The following TNFRSF10B variants were observed in gnomAD, a reference collection of about 807,000 sequenced individuals.
The protein encoded by TNFRSF10B is tumor necrosis factor receptor superfamily member 10B.
In TNFRSF10B, 35 loss-of-function variants were observed where a neutral mutation model predicts 41.4. The observed-to-expected ratio is 0.85, with a 90% confidence interval of 0.65 to 1.12. The LOEUF is 1.12. Ranked by LOEUF, TNFRSF10B falls within the 50% of genes most tolerant of loss-of-function variation. TNFRSF10B has a pLI of 0.00. For missense variants in TNFRSF10B, 584 were observed against 552.7 expected, an observed-to-expected ratio of 1.06 and a Z score of -0.57; for synonymous variants, 230 against 215.5, an observed-to-expected ratio of 1.07 and a Z score of -0.59.
intron 1 of TNFRSF10B, among the ~76,000 whole-genome samples, chr8:23,049,445 C>T (rs1403688258): frequency 1.3e-5 from 2 of 152,196 alleles, no homozygotes; most frequent in Non-Finnish European, 2.9e-5. Context: ...ACTCCCCAAA[C>T]CTCCATGATT....
At chr8:23,027,568 C>T in intron 6 of TNFRSF10B, 154 bp downstream of exon 6, 1 of 1,023,752 alleles carries the variant, frequency 9.8e-7, no homozygotes, top group Non-Finnish European at 1.4e-6. Flanking sequence ...TCAAAATGGC[C>T]ATGTGTCCCC....
chr8:23,054,316 C>CT (rs1227245780), intron 1 of TNFRSF10B, among the ~76,000 whole-genome samples: 2 of 152,140 alleles, frequency 1.3e-5, no homozygotes, highest in African/African-American at 4.8e-5. Flanking sequence ...GTTGCTAATC[C>CT]TTTGTTTTGC....
intron 2 of TNFRSF10B, among the ~76,000 whole-genome samples, chr8:23,035,245 G>A (rs1811998812): frequency 1.3e-5 from 2 of 151,920 alleles, no homozygotes; most frequent in South Asian, 2.1e-4. Flanking sequence ...GGGTTCAAGC[G>A]ATTCTCATGC....
intron 1 of TNFRSF10B, among the ~76,000 whole-genome samples, chr8:23,058,317 A>T (rs773007685): frequency 1.2e-4 from 19 of 152,038 alleles, no homozygotes; most frequent in African/African-American, 1.9e-4. Context: ...AACCATATCT[A>T]CCTTTGAGTT....
In TNFRSF10B at chr8:23,027,126, C is replaced by G. The variant is rs1411338531; in HGVS notation, c.936+7G>C. ...CCAGGAAACAAAATGATCTGTCCCC[C>G]ACTCACCAGCAGATGCTCTGACTCC... On this transcript the variant is annotated splice_region_variant and intron_variant, in intron 7 of 8. Transcript: ENST00000276431. 2 of 1,613,920 alleles carry G rather than the reference C, an allele frequency of 1.2e-6. No homozygotes were observed. Among genetic ancestry groups the G allele is most frequent in the Non-Finnish European group, 1.7e-6 (2 of 1,180,016 alleles).
chr8:23,068,530 C>G (rs1813067022), intron 1 of TNFRSF10B: 9 of 653,564 alleles, frequency 1.4e-5, no homozygotes, highest in Non-Finnish European at 2.3e-5. Flanking sequence ...GGAATTTACA[C>G]CAAGTGGAGC....
intron 1 of TNFRSF10B, among the ~76,000 whole-genome samples, chr8:23,050,472 G>A (rs537763313): frequency 2.3e-4 from 35 of 152,232 alleles, no homozygotes; most frequent in Admixed American, 1.1e-3. Context: ...GTGTGTGTGC[G>A]CACGGGGGCG....
chr8:23,029,624 C>G lies in TNFRSF10B; in HGVS notation c.462G>C (p.Arg154=), dbSNP rs766228515. 4.3e-6 allele frequency: 7 copies of G among 1,611,516 alleles called. No individual in the cohort carries two copies. The highest frequency in any genetic ancestry group is 2.2e-5 in the South Asian group (2 of 90,580). The part of the protein sequence containing the change: ...FREEDSPEMC[R]KCRTGCPRGM... ...TCCTGTCTCACCCTGTGCGGCACTT[C>G]CGGCACATCTCAGGAGAATCTTCTT... The change falls in exon 4 of 9, where the codon CGG becomes CGC. Residue 154 remains arginine (R), a synonymous_variant. Coordinates refer to ENST00000276431, the MANE Select transcript of TNFRSF10B (RefSeq NM_003842.5).
At position 23,031,375 on chromosome 8, in the gene TNFRSF10B, C is replaced by CTATTTATTTATTTATT. The variant is rs61141147; in HGVS notation, c.251-519_251-504dup. Among the ~76,000 whole-genome samples, 103 of 140,566 alleles carry CTATTTATTTATTTATT rather than the reference C, an allele frequency of 7.3e-4. 1 individual carries two copies. Among genetic ancestry groups the CTATTTATTTATTTATT allele is most frequent in the East Asian group, 1.3e-3 (6 of 4,728 alleles). 92.2% of individuals were successfully genotyped at this position (140,566 alleles called of 152,430 possible). On this transcript the variant is annotated intron_variant, in intron 2 of 8. Transcript: ENST00000276431. ...ACAGGCGTGAGCCACTGCACCCGGCCTATTTATTTATTTATTTATTTATTT... is the reference window on the plus strand; with the variant it reads ...ACAGGCGTGAGCCACTGCACCCGGCCTATTTATTTATTTATTTATTTATTTATTTATTTATTTATTT...
At chr8:23,057,104 A>G (rs1170786970) in intron 1 of TNFRSF10B, among the ~76,000 whole-genome samples, 2 of 146,872 alleles carry the variant, frequency 1.4e-5, no homozygotes, top group East Asian at 4.0e-4. Flanking sequence ...CAGTGGTGCA[A>G]TCTTGGCTCA....
At position 23,028,606 on chromosome 8, in the gene TNFRSF10B, G is replaced by C. The variant is rs1450862520; in HGVS notation, c.477-4C>G. Reference sequence around the variant, plus strand: ...CTTGACCATCCCTCTGGGACACCTGGGTACACACACAGAGGGAGAGGGGGG... The same window carrying C: ...CTTGACCATCCCTCTGGGACACCTGCGTACACACACAGAGGGAGAGGGGGG... On this transcript the variant is annotated splice_polypyrimidine_tract_variant and splice_region_variant and intron_variant, in intron 4 of 8. Transcript: ENST00000276431. The C allele has an allele frequency of 1.9e-6, 3 of 1,614,030 alleles. No individual in the cohort carries two copies. Among genetic ancestry groups the C allele is most frequent in the South Asian group, 2.2e-5 (2 of 91,076 alleles).
intron 6 of TNFRSF10B, chr8:23,027,514 G>T: frequency 1.3e-6 from 1 of 781,984 alleles, no homozygotes; most frequent in Non-Finnish European, 2.1e-6. Flanking sequence ...GTGGGGTGAG[G>T]ATGTCACCTG....
At chr8:23,054,835 G>A (rs773758026) in intron 1 of TNFRSF10B, among the ~76,000 whole-genome samples, 2 of 152,092 alleles carry the variant, frequency 1.3e-5, no homozygotes, top group Non-Finnish European at 2.9e-5. Flanking sequence ...TTCCTGCTAT[G>A]GAACAAAGTT....
At chr8:23,041,071 T>G (rs972165138) in intron 2 of TNFRSF10B, among the ~76,000 whole-genome samples, 16 of 151,614 alleles carry the variant, frequency 1.1e-4, no homozygotes, top group African/African-American at 3.4e-4. Flanking sequence ...GTTGTTTTTT[T>G]TTTTTGAGAC....
Position 23,027,194 on chromosome 8 carries a change from T to C in TNFRSF10B, c.875A>G (p.Gln292Arg). 1 of 1,614,252 alleles carries C rather than the reference T, an allele frequency of 6.2e-7. No individual in the cohort carries two copies. The highest frequency in any genetic ancestry group is 8.5e-7 in the Non-Finnish European group (1 of 1,180,042). Residue 292 changes from glutamine to arginine, a missense_variant, in exon 7 of 9, where the codon CAG becomes CGG. Coordinates refer to ENST00000276431, the MANE Select transcript of TNFRSF10B (RefSeq NM_003842.5). ...GACACCTGTTGGCTCTGCTGGCTCCTGGACTTCCATTTCCTGCTCAGGGAC... is the reference window on the plus strand; with the variant it reads ...GACACCTGTTGGCTCTGCTGGCTCCCGGACTTCCATTTCCTGCTCAGGGAC... ...TQVPEQEMEV[Q>R]EPAEPTGVNM... is the part of the protein sequence containing the mutation.
At chr8:23,037,270 C>T (rs1204026147) in intron 2 of TNFRSF10B, among the ~76,000 whole-genome samples, 1 of 152,134 alleles carries the variant, frequency 6.6e-6, no homozygotes, top group Non-Finnish European at 1.5e-5. Context: ...CTTAACAATA[C>T]AGACTTCCCT....
At chr8:23,050,555 A>G (rs926312620) in intron 1 of TNFRSF10B, among the ~76,000 whole-genome samples, 2 of 151,984 alleles carry the variant, frequency 1.3e-5, no homozygotes, top group African/African-American at 4.8e-5. Flanking sequence ...TTTTTGAGCA[A>G]AACTTTTTTT....
chr8:23,023,114 G>A (rs1811590020), intron 8 of TNFRSF10B, 130 bp from the exon 9 acceptor site: 1 of 1,168,072 alleles, frequency 8.6e-7, no homozygotes, highest in Admixed American at 2.0e-5. Flanking sequence ...TGCCGCTCCA[G>A]TGCCCACCCG....
rs200934581 is a variant in TNFRSF10B, at chr8:23,060,360, T to TATC, written c.144+8388_144+8390dup. Among the ~76,000 whole-genome samples the TATC allele has an allele frequency of 5.5e-3, 833 of 152,376 alleles. 2 individuals are homozygous for TATC. The highest frequency in any genetic ancestry group is 8.3e-3 in the Non-Finnish European group (564 of 68,028). On this transcript the variant is annotated intron_variant, in intron 1 of 8. Transcript: ENST00000276431. ...TTCACTTCATTCTTTTGAATGTGGA[T>TATC]ATCCGGTTCTCCTAGCCCCCTTCAT...
Sources: gnomAD v4.1 joint callset for allele counts (sites outside exome capture counted in the v4.1 genomes callset) on GRCh38, gnomAD v4.1.1 for gene constraint, MANE v1.5 for transcripts, NCBI Gene and HGNC (gene_info 2026-07-23, HGNC 2026-07-21) for gene names.